Variants in ZFHX3 observed in about 807,000 individuals in gnomAD.
ZFHX3 encodes the protein zinc finger homeobox 3, also known as zinc finger homeobox protein 3.
In ZFHX3, 42 loss-of-function variants were observed where a neutral mutation model predicts 279.1. The observed-to-expected ratio is 0.15, with a 90% CI of 0.12 to 0.19. The LOEUF (loss-of-function observed/expected upper bound fraction) is 0.19. Among genes scored for constraint, ZFHX3 ranks in the 10% least tolerant of loss-of-function variants. ZFHX3 has a pLI of 1.00. For synonymous variants in ZFHX3, 2,293 were observed against 1,957.8 expected (o/e 1.17, Z -4.52); for missense variants, 4,981 against 4,754.0 (o/e 1.05, Z -1.40).
Position 72,793,992 on chromosome 16 carries a change from G to A in ZFHX3, c.8690C>T (p.Pro2897Leu), listed in dbSNP as rs190876187. Residue 2897 changes from proline (P) to leucine (L), a missense_variant, in exon 9 of 10, where the codon CCG becomes CTG. Around this residue, in one of 7 missense-constraint regions of ZFHX3, gnomAD observed 744 missense variants for 701.3 expected, o/e 1.06. Transcript: ENST00000268489. The surrounding 1 kb of genome is among the most constrained non-coding windows in gnomAD (Gnocchi z 4.3). Reference protein sequence around the residue: ...EDRLSSGLVSPAPSFYSKEYD... With the variant: ...EDRLSSGLVSLAPSFYSKEYD... The stretch of plus-strand genomic sequence containing the variant: ...TTCCTTGCTATAAAAGCTCGGGGCC[G>A]GGCTGACCAGACCAGATGACAACCG... The A allele has an allele frequency of 5.0e-6, 8 of 1,614,162 alleles. No homozygotes were observed. The highest frequency in any genetic ancestry group is 4.5e-5 in the East Asian group (2 of 44,876).
chr16:73,156,319 G>A (rs779840916), intron 5 of ZFHX3, among the ~76,000 whole-genome samples: 11 of 151,814 alleles, frequency 7.2e-5, no homozygotes, highest in Non-Finnish European at 1.6e-4. Flanking sequence ...TAGCTGATAG[G>A]TGGGTGAGTA....
chr16:72,845,635 T>A (rs932743566), intron 4 of ZFHX3, among the ~76,000 whole-genome samples: 14 of 152,202 alleles, frequency 9.2e-5, no homozygotes, highest in Admixed American at 1.3e-4. Context: ...ATCCCAAATG[T>A]TCTGACCGCA....
chr16:73,026,067 C>G (rs1964485390), intron 1 of ZFHX3, among the ~76,000 whole-genome samples: 1 of 151,990 alleles, frequency 6.6e-6, no homozygotes, highest in Admixed American at 6.6e-5. Context: ...AGAGGGTCTG[C>G]TGGGCACAGT....
At chr16:73,638,997 A>T (rs569089561) in intron 2 of ZFHX3, among the ~76,000 whole-genome samples, 1 of 152,220 alleles carries the variant, frequency 6.6e-6, no homozygotes, top group South Asian at 2.1e-4. Flanking sequence ...GAAGAGTTAT[A>T]TATTAGCATT....
chr16:73,626,078 G>A (rs1355153499), intron 2 of ZFHX3, among the ~76,000 whole-genome samples: 6 of 152,012 alleles, frequency 3.9e-5, no homozygotes, highest in South Asian at 2.1e-4. Context: ...GGATGGTCTC[G>A]ATCTCCTGAC....
At chr16:73,572,320 G>A (rs150030181) in intron 2 of ZFHX3, among the ~76,000 whole-genome samples, 7 of 152,170 alleles carry the variant, frequency 4.6e-5, no homozygotes, top group Non-Finnish European at 8.8e-5. Flanking sequence ...GAAGAGTCAC[G>A]GCCTGCATTC....
At chr16:73,136,553 G>A (rs375471780) in intron 6 of ZFHX3, among the ~76,000 whole-genome samples, 15 of 151,372 alleles carry the variant, frequency 9.9e-5, no homozygotes, top group African/African-American at 3.4e-4. Flanking sequence ...GTGAAACCTC[G>A]TCTCTACTAA....
chr16:72,872,618 T>C (rs1461214020), intron 4 of ZFHX3, among the ~76,000 whole-genome samples: 4 of 152,086 alleles, frequency 2.6e-5, no homozygotes, highest in Non-Finnish European at 4.4e-5. Context: ...CCACCATGTC[T>C]GGCTAATTTT....
intron 7 of ZFHX3, among the ~76,000 whole-genome samples, chr16:73,118,677 A>G (rs551502339): frequency 2.2e-4 from 34 of 152,308 alleles, no homozygotes; most frequent in Admixed American, 1.2e-3. Flanking sequence ...AAGAAGAGGA[A>G]TTTCACAGGA....
chr16:73,265,267 G>A (rs979837290), intron 4 of ZFHX3, among the ~76,000 whole-genome samples: 1 of 152,134 alleles, frequency 6.6e-6, no homozygotes, highest in Non-Finnish European at 1.5e-5. Context: ...GGGCGGAATC[G>A]GCTGGGGATC....
At chr16:72,831,961 C>T (rs2037071227) in intron 4 of ZFHX3, among the ~76,000 whole-genome samples, 2 of 152,154 alleles carry the variant, frequency 1.3e-5, no homozygotes, top group South Asian at 4.1e-4. Flanking sequence ...TTGCAATCTC[C>T]AGCATAAATG....
intron 2 of ZFHX3, among the ~76,000 whole-genome samples, chr16:73,458,255 TTTC>T (rs2018408763): frequency 6.6e-6 from 1 of 152,082 alleles, no homozygotes; most frequent in Admixed American, 6.5e-5. Context: ...AGAATTCTTT[TTTC>T]TTTTCTCCTT....
At chr16:73,788,725 T>G (rs1475702568) in intron 1 of ZFHX3, among the ~76,000 whole-genome samples, 3 of 151,438 alleles carry the variant, frequency 2.0e-5, no homozygotes, top group Non-Finnish European at 2.9e-5. Context: ...TATATATATA[T>G]CTATATATAG....
intron 3 of ZFHX3, chr16:73,387,020 C>T (rs1000603071): frequency 6.6e-6 from 1 of 152,202 alleles, no homozygotes; most frequent in East Asian, 1.9e-4. Context: ...GAGAGTAGTT[C>T]TTCCATTCCA....
intron 1 of ZFHX3, among the ~76,000 whole-genome samples, chr16:73,724,017 C>A (rs1178753867): frequency 6.6e-6 from 1 of 152,116 alleles, no homozygotes; most frequent in Non-Finnish European, 1.5e-5. Flanking sequence ...AATGATAATT[C>A]GATGATTTTT....
intron 7 of ZFHX3, chr16:73,123,448 C>G (rs76119486): frequency 8.8e-5 from 13 of 147,820 alleles, no homozygotes; most frequent in African/African-American, 2.8e-4. Flanking sequence ...AGCCTGGTCA[C>G]CCTTGTGGAT....
chr16:73,134,142 G>T (rs1010377954), intron 6 of ZFHX3, among the ~76,000 whole-genome samples: 1 of 152,018 alleles, frequency 6.6e-6, no homozygotes, highest in Non-Finnish European at 1.5e-5. Context: ...TGTATCCAAG[G>T]TCTCACAGAT....
intron 4 of ZFHX3, among the ~76,000 whole-genome samples, chr16:73,299,954 T>G (rs2015013522): frequency 1.3e-5 from 2 of 152,192 alleles, no homozygotes; most frequent in Non-Finnish European, 2.9e-5. Context: ...TGTGTTCTCA[T>G]CTGAAGTCTC....
chr16:73,540,394 A>C (rs78494300), intron 2 of ZFHX3, among the ~76,000 whole-genome samples: 1 of 152,214 alleles, frequency 6.6e-6, no homozygotes, highest in African/African-American at 2.4e-5. Flanking sequence ...AGAAACTGCA[A>C]AGGAAATAAC....
Sources: allele counts gnomAD v4.1 joint callset (sites outside exome capture counted in the v4.1 genomes callset), GRCh38; gene constraint gnomAD v4.1.1; regional missense constraint gnomAD v4.1.1; non-coding constraint Gnocchi (gnomAD v3.1); transcripts MANE v1.5; gene names NCBI Gene and HGNC (gene_info 2026-07-23, HGNC 2026-07-21).